The following CNTN5 variants were observed in gnomAD, a reference collection of about 807,000 sequenced individuals.
CNTN5 encodes the protein contactin 5.
CNTN5 carries 77 observed loss-of-function variants against 129.1 expected under a neutral mutation model. That is an observed-to-expected ratio of 0.60 (90% confidence interval 0.50 to 0.72). CNTN5 has a LOEUF of 0.72. Among genes scored for constraint, CNTN5 ranks in the 30% least tolerant of loss-of-function variants. The pLI, the probability that CNTN5 is intolerant of heterozygous loss-of-function variation, is 0.00. For missense variants in CNTN5, 1,478 were observed against 1,328.8 expected, an observed-to-expected ratio of 1.11 and a Z score of -1.75; for synonymous variants, 509 against 465.6, an observed-to-expected ratio of 1.09 and a Z score of -1.20.
intron 4 of CNTN5, among the ~76,000 whole-genome samples, chr11:99,841,835 T>TACACAC (rs538374545): frequency 1.2e-4 from 18 of 144,228 alleles, no homozygotes; most frequent in African/African-American, 4.3e-4. Flanking sequence ...TATATATATA[T>TACACAC]ACACACACAC....
intron 2 of CNTN5, among the ~76,000 whole-genome samples, chr11:99,448,729 G>GTTTTT (rs1314484235): frequency 7.9e-6 from 1 of 126,916 alleles, no homozygotes; most frequent in Non-Finnish European, 1.6e-5. Flanking sequence ...TTGTACAATT[G>GTTTTT]TTTTTATTTT....
At chr11:99,046,523 C>A (rs866358944) in intron 1 of CNTN5, among the ~76,000 whole-genome samples, 1 of 152,018 alleles carries the variant, frequency 6.6e-6, no homozygotes, top group African/African-American at 2.4e-5. Context: ...TCATAAAACT[C>A]CTTTATGATA....
intron 1 of CNTN5, among the ~76,000 whole-genome samples, chr11:99,190,716 C>T (rs944524871): frequency 6.6e-6 from 1 of 151,366 alleles, no homozygotes; most frequent in African/African-American, 2.4e-5. Flanking sequence ...AGAAATGATA[C>T]TGATTTTTAT....
At chr11:99,130,970 G>A (rs1858901500) in intron 1 of CNTN5, among the ~76,000 whole-genome samples, 1 of 152,018 alleles carries the variant, frequency 6.6e-6, no homozygotes. Context: ...AGTGTTAAGA[G>A]GGAAATTTAT....
chr11:100,183,917 G>A (rs1052961817), intron 13 of CNTN5, among the ~76,000 whole-genome samples: 1 of 152,034 alleles, frequency 6.6e-6, no homozygotes, highest in Non-Finnish European at 1.5e-5. Flanking sequence ...GCCCCTCCCT[G>A]ACCATCTCTC....
intron 2 of CNTN5, among the ~76,000 whole-genome samples, chr11:99,370,785 AAG>A (rs1357654861): frequency 6.6e-6 from 1 of 152,224 alleles, no homozygotes; most frequent in Non-Finnish European, 1.5e-5. Context: ...CAGTTTGTAA[AAG>A]ACTCTCGTGG....
intron 1 of CNTN5, among the ~76,000 whole-genome samples, chr11:99,233,476 T>C (rs1861108129): frequency 6.6e-6 from 1 of 152,222 alleles, no homozygotes; most frequent in Non-Finnish European, 1.5e-5. Flanking sequence ...GAATGATGTT[T>C]CAGATATCGT....
intron 1 of CNTN5, among the ~76,000 whole-genome samples, chr11:99,286,368 A>G (rs1863940965): frequency 6.6e-6 from 1 of 152,184 alleles, no homozygotes; most frequent in African/African-American, 2.4e-5. Context: ...CAGAAATAGA[A>G]ATGCTGGGAG....
intron 16 of CNTN5, among the ~76,000 whole-genome samples, chr11:100,244,398 T>C (rs576612350): frequency 6.6e-6 from 1 of 152,182 alleles, no homozygotes; most frequent in Non-Finnish European, 1.5e-5. Context: ...CCAAGAGATA[T>C]GGAGTGAATT....
chr11:99,438,148 A>C (rs1051344945), intron 2 of CNTN5, among the ~76,000 whole-genome samples: 78 of 152,360 alleles, frequency 5.1e-4, no homozygotes, highest in African/African-American at 1.8e-3. Flanking sequence ...AGATTCCCTT[A>C]AGATGTACTT....
At chr11:99,963,335 A>C (rs376005208) in intron 8 of CNTN5, among the ~76,000 whole-genome samples, 3 of 152,110 alleles carry the variant, frequency 2.0e-5, no homozygotes, top group African/African-American at 7.2e-5. Flanking sequence ...TATTTTTTGT[A>C]TAAGGTGTAA....
chr11:99,831,513 G>A (rs1947138690), intron 4 of CNTN5, among the ~76,000 whole-genome samples: 1 of 152,170 alleles, frequency 6.6e-6, no homozygotes, highest in African/African-American at 2.4e-5. Context: ...TTTTGGTGCA[G>A]CTCATCCATT....
chr11:99,458,755 A>G (rs1944583631), intron 2 of CNTN5, among the ~76,000 whole-genome samples: 1 of 152,028 alleles, frequency 6.6e-6, no homozygotes, highest in African/African-American at 2.4e-5. Context: ...TTTCAAGAGA[A>G]TGTTAGTGAA....
intron 2 of CNTN5, among the ~76,000 whole-genome samples, chr11:99,429,417 T>C (rs902068141): frequency 2.0e-5 from 3 of 152,102 alleles, no homozygotes; most frequent in African/African-American, 7.2e-5. Flanking sequence ...ATCTACTTCA[T>C]TACCCTAGGC....
At chr11:100,041,719 TGAAA>T (rs905305183) in intron 9 of CNTN5, among the ~76,000 whole-genome samples, 1 of 152,160 alleles carries the variant, frequency 6.6e-6, no homozygotes, top group African/African-American at 2.4e-5. Flanking sequence ...TTATTTTTAA[TGAAA>T]GAAAAGATTA....
intron 1 of CNTN5, among the ~76,000 whole-genome samples, chr11:99,047,476 T>G (rs544945925): frequency 6.6e-6 from 1 of 151,764 alleles, no homozygotes; most frequent in East Asian, 1.9e-4. Context: ...AAATTGTAAC[T>G]AACATTGTAT....
chr11:99,315,210 A>C (rs1353033198), intron 1 of CNTN5, among the ~76,000 whole-genome samples: 1 of 147,974 alleles, frequency 6.8e-6, no homozygotes, highest in African/African-American at 2.4e-5. Context: ...TAAGTAGTTC[A>C]CTGAACTATC....
intron 9 of CNTN5, among the ~76,000 whole-genome samples, chr11:100,013,773 A>G (rs1162935031): frequency 6.6e-6 from 1 of 152,220 alleles, no homozygotes; most frequent in Non-Finnish European, 1.5e-5. Context: ...TGATTTAACA[A>G]CTATATTGCT....
chr11:99,832,847 T>G (rs1159739530), intron 4 of CNTN5, among the ~76,000 whole-genome samples: 1 of 152,204 alleles, frequency 6.6e-6, no homozygotes, highest in East Asian at 1.9e-4. Flanking sequence ...TTAGTTTACA[T>G]TACATGAATA....
Sources: gnomAD v4.1 joint callset for allele counts (sites outside exome capture counted in the v4.1 genomes callset) on GRCh38, gnomAD v4.1.1 for gene constraint, MANE v1.5 for transcripts, NCBI Gene and HGNC (gene_info 2026-07-23, HGNC 2026-07-21) for gene names.